MCTP1: variants seen among roughly 807,000 people sequenced by gnomAD.
MCTP1 encodes the protein multiple C2 and transmembrane domain-containing protein 1.
In MCTP1, 69 loss-of-function variants were observed where a neutral mutation model predicts 120.6. That is an observed-to-expected ratio of 0.57 (90% confidence interval 0.47 to 0.70). MCTP1 has a LOEUF of 0.70. Among genes scored for constraint, MCTP1 ranks in the 30% least tolerant of loss-of-function variants. The pLI is 0.00. For missense variants in MCTP1, 1,203 were observed against 1,248.8 expected (o/e 0.96, Z 0.55); for synonymous variants, 529 against 493.1 (o/e 1.07, Z -0.96).
intron 19 of MCTP1, among the ~76,000 whole-genome samples, 177 bp downstream of exon 19, chr5:94,778,933 G>T (rs918197299): frequency 5.9e-5 from 9 of 152,224 alleles, no homozygotes; most frequent in African/African-American, 2.2e-4. Context: ...AAGCAAAGAG[G>T]ATTTATAGCC....
At chr5:95,167,381 G>C (rs1056595234) in intron 1 of MCTP1, among the ~76,000 whole-genome samples, 3 of 152,188 alleles carry the variant, frequency 2.0e-5, no homozygotes, top group African/African-American at 4.8e-5. Context: ...ATGTGCACAT[G>C]TCTTTATAGC....
At chr5:94,915,626 T>G (rs1809857063) in intron 8 of MCTP1, among the ~76,000 whole-genome samples, 1 of 152,142 alleles carries the variant, frequency 6.6e-6, no homozygotes, top group Admixed American at 6.5e-5. Flanking sequence ...TCTAAAATAG[T>G]GCCTTCCTTG....
intron 17 of MCTP1, among the ~76,000 whole-genome samples, chr5:94,864,217 C>T (rs1018902358): frequency 3.3e-5 from 5 of 151,838 alleles, no homozygotes; most frequent in Admixed American, 2.0e-4. Context: ...CAGATATGAA[C>T]AGAAAGAAAT....
At chr5:95,031,581 G>A (rs1840310191) in intron 1 of MCTP1, among the ~76,000 whole-genome samples, 1 of 152,134 alleles carries the variant, frequency 6.6e-6, no homozygotes, top group East Asian at 1.9e-4. Flanking sequence ...TTCCAGATGA[G>A]CAAACACTAA....
rs535347436 is a variant in MCTP1, at chr5:94,919,359, G to A, written c.1273-1386C>T. 3.3e-4 allele frequency among the ~76,000 whole-genome samples: 50 copies of A among 151,908 alleles called. 1 individual carries two copies. The South Asian group carries it at 9.1e-3, about 28-fold the overall frequency. ...AAAAATGAGATATTTTATTTTTCTC[G>A]TTGTGATTTAAAAATGGAAAATTAA... On this transcript the variant is annotated intron_variant, in intron 7 of 22. Transcript: ENST00000515393.
intron 1 of MCTP1, among the ~76,000 whole-genome samples, chr5:95,088,465 C>T (rs1215615175): frequency 6.6e-6 from 1 of 152,216 alleles, no homozygotes; most frequent in Non-Finnish European, 1.5e-5. Context: ...CTGCTCTGTG[C>T]TTGCCATAGA....
At chr5:94,863,362 A>C (rs1405889674) in intron 17 of MCTP1, among the ~76,000 whole-genome samples, 1 of 151,720 alleles carries the variant, frequency 6.6e-6, no homozygotes, top group Non-Finnish European at 1.5e-5. Context: ...AACAACAAAA[A>C]CTCTTCTATA....
At chr5:95,156,561 G>C (rs1277540594) in intron 1 of MCTP1, among the ~76,000 whole-genome samples, 7 of 152,152 alleles carry the variant, frequency 4.6e-5, no homozygotes. Flanking sequence ...CATGTGTTCT[G>C]TGGTAGTTTT....
chr5:94,989,772 A>C (rs915847141), intron 2 of MCTP1, among the ~76,000 whole-genome samples: 1 of 152,136 alleles, frequency 6.6e-6, no homozygotes, highest in Non-Finnish European at 1.5e-5. Context: ...CCAGATTGAG[A>C]TCAATCACCA....
At chr5:95,103,185 G>T (rs753136371) in intron 1 of MCTP1, among the ~76,000 whole-genome samples, 4 of 151,726 alleles carry the variant, frequency 2.6e-5, no homozygotes, top group Non-Finnish European at 5.9e-5. Flanking sequence ...GAATTTAAAA[G>T]CATTTCAACA....
At chr5:94,901,813 G>A (rs934344420) in intron 10 of MCTP1, among the ~76,000 whole-genome samples, 1 of 152,106 alleles carries the variant, frequency 6.6e-6, no homozygotes, top group Non-Finnish European at 1.5e-5. Context: ...AAACAGTCTT[G>A]TGATTAGCAC....
chr5:95,012,890 C>T (rs1168785119), intron 2 of MCTP1, among the ~76,000 whole-genome samples: 1 of 152,122 alleles, frequency 6.6e-6, no homozygotes, highest in Admixed American at 6.6e-5. Flanking sequence ...AGTCACATGT[C>T]TTTCACTTTA....
intron 1 of MCTP1, among the ~76,000 whole-genome samples, chr5:95,257,796 T>TACACACATATACACACACACAC (rs56080673): frequency 1.6e-5 from 2 of 125,366 alleles, no homozygotes; most frequent in Non-Finnish European, 1.7e-5. Context: ...CCAGAAAACA[T>TACACACATATACACACACACAC]ACACACACAC....
At chr5:95,098,768 C>A (rs1374704665) in intron 1 of MCTP1, among the ~76,000 whole-genome samples, 2 of 152,060 alleles carry the variant, frequency 1.3e-5, no homozygotes, top group African/African-American at 4.8e-5. Context: ...TTGGAAAAAA[C>A]TACTTTAAAG....
chr5:95,152,335 C>T (rs1744624660), intron 1 of MCTP1, among the ~76,000 whole-genome samples: 1 of 152,188 alleles, frequency 6.6e-6, no homozygotes, highest in African/African-American at 2.4e-5. Flanking sequence ...GGCAGGAAGC[C>T]TTAGGCACGT....
At chr5:95,044,129 T>C (rs2151928803) in intron 1 of MCTP1, among the ~76,000 whole-genome samples, 1 of 152,318 alleles carries the variant, frequency 6.6e-6, no homozygotes, top group African/African-American at 2.4e-5. Context: ...CCAAGTACTT[T>C]GTTGTCCTTG....
intron 1 of MCTP1, among the ~76,000 whole-genome samples, chr5:95,070,222 A>T (rs1751789264): frequency 6.6e-6 from 1 of 152,224 alleles, no homozygotes; most frequent in Non-Finnish European, 1.5e-5. Flanking sequence ...CCACATCTGC[A>T]GTCAGGCTAC....
chr5:94,721,303 C>A (rs1268094283), intron 19 of MCTP1, among the ~76,000 whole-genome samples: 2 of 152,050 alleles, frequency 1.3e-5, no homozygotes, highest in Non-Finnish European at 2.9e-5. Context: ...AAATGCAGGA[C>A]CTTCATTAAT....
chr5:95,059,422 G>C (rs1170436024), intron 1 of MCTP1, among the ~76,000 whole-genome samples: 2 of 152,108 alleles, frequency 1.3e-5, no homozygotes, highest in African/African-American at 4.8e-5. Context: ...AGTGGGGAGA[G>C]AGGAAGGAGA....
Sources: allele counts gnomAD v4.1 joint callset (sites outside exome capture counted in the v4.1 genomes callset), GRCh38; gene constraint gnomAD v4.1.1; transcripts MANE v1.5; gene names NCBI Gene and HGNC (gene_info 2026-07-23, HGNC 2026-07-21).